SMIM14: variants seen among roughly 807,000 people sequenced by gnomAD.
The protein encoded by SMIM14 is small integral membrane protein 14, also known as chromosome 4 open reading frame 34.
Under a neutral mutation model 12.6 loss-of-function variants are expected in SMIM14, and 5 were observed. That is an observed-to-expected ratio of 0.40 (90% CI 0.21 to 0.83). The LOEUF is 0.83. Among genes scored for constraint, SMIM14 ranks in the 40% least tolerant of loss-of-function variants. The pLI is 0.37. For missense variants in SMIM14, 86 were observed against 119.1 expected, an observed-to-expected ratio of 0.72 and a Z score of 1.29; for synonymous variants, 30 against 40.1, an observed-to-expected ratio of 0.75 and a Z score of 0.95.
rs1182470587 is a variant in SMIM14 at position 39,547,146 on chromosome 4, T to A, written c.*4980A>T. 1 of 152,212 alleles carries A rather than the reference T, an allele frequency of 6.6e-6. No individual in the cohort carries two copies. Among genetic ancestry groups the A allele is most frequent in the Non-Finnish European group, 1.5e-5 (1 of 68,032 alleles). The allele number at this position is 152,212 out of a possible 1,614,324, so 9.4% of individuals were successfully genotyped here. On this transcript the variant is annotated 3_prime_UTR_variant, in exon 5 of 5. Coordinates refer to ENST00000295958, the MANE Select transcript of SMIM14 (RefSeq NM_174921.3). ...CCATACTGCATATTTTATGAATATT[T>A]TTCTCACAACTTTTCTTAAAACTTA...
chr4:39,553,164 G>C (rs1711810943), intron 4 of SMIM14, among the ~76,000 whole-genome samples: 1 of 151,602 alleles, frequency 6.6e-6, no homozygotes, highest in Non-Finnish European at 1.5e-5. Context: ...GGGTTCAAGT[G>C]ATTCGCCTGC....
chr4:39,618,652 AAAAAAAAAAAAAC>A (rs989673165), intron 1 of SMIM14, among the ~76,000 whole-genome samples: 11 of 150,520 alleles, frequency 7.3e-5, no homozygotes, highest in Non-Finnish European at 1.6e-4. Context: ...TCCATCTCAA[AAAAAAAAAAAAAC>A]AAAAAAAAAA....
Position 39,608,411 on chromosome 4 carries a change from G to A in SMIM14, c.-35-3231C>T, listed in dbSNP as rs80092357. On this transcript the variant is annotated intron_variant, in intron 1 of 4. Transcript: ENST00000295958. ...CAGAAACAACCCAAGTGTCCATCAA[G>A]TGAAAAATGGATAAACAAAATGTGG... is the stretch of plus-strand genomic sequence containing the variant. Among the ~76,000 whole-genome samples the A allele has an allele frequency of 5.0e-3, 762 of 152,332 alleles. 5 individuals are homozygous for A. The highest frequency in any genetic ancestry group is 0.017 in the African/African-American group (717 of 41,578).
At chr4:39,565,773 C>G (rs527447340) in intron 3 of SMIM14, among the ~76,000 whole-genome samples, 4 of 152,140 alleles carry the variant, frequency 2.6e-5, no homozygotes, top group African/African-American at 9.6e-5. Flanking sequence ...AATTGTAACT[C>G]CCACAATTCC....
intron 1 of SMIM14, among the ~76,000 whole-genome samples, chr4:39,633,981 G>C (rs1716001870): frequency 6.6e-6 from 1 of 152,220 alleles, no homozygotes; most frequent in South Asian, 2.1e-4. Context: ...CGCAAGGCTG[G>C]AGTGCAGTGG....
At chr4:39,613,586 T>C (rs946560737) in intron 1 of SMIM14, among the ~76,000 whole-genome samples, 7 of 152,322 alleles carry the variant, frequency 4.6e-5, no homozygotes, top group African/African-American at 1.7e-4. Context: ...TTTAAATCCC[T>C]TGGTCTCCAG....
intron 1 of SMIM14, among the ~76,000 whole-genome samples, chr4:39,619,876 ATTT>A (rs368919092): frequency 2.4e-4 from 28 of 115,844 alleles, no homozygotes; most frequent in South Asian, 1.8e-3. Flanking sequence ...ATATATATAT[ATTT>A]TTTTTTTTTT....
At chr4:39,569,901 G>A (rs1402463591) in intron 3 of SMIM14, among the ~76,000 whole-genome samples, 2 of 152,136 alleles carry the variant, frequency 1.3e-5, no homozygotes, top group African/African-American at 4.8e-5. Context: ...TCCAGAGACA[G>A]CACCAGAGGA....
At chr4:39,568,128 A>C (rs562042506) in intron 3 of SMIM14, among the ~76,000 whole-genome samples, 1 of 152,058 alleles carries the variant, frequency 6.6e-6, no homozygotes, top group South Asian at 2.1e-4. Context: ...AAATACAAAA[A>C]ATTAGCCAGG....
chr4:39,621,761 T>C (rs76981899), intron 1 of SMIM14, among the ~76,000 whole-genome samples: 1,910 of 143,714 alleles, frequency 0.013, 50 homozygotes, highest in African/African-American at 0.046. Context: ...AGAGCAATCA[T>C]GACTCACTGC....
At chr4:39,568,431 A>G (rs1303620882) in intron 3 of SMIM14, among the ~76,000 whole-genome samples, 4 of 152,234 alleles carry the variant, frequency 2.6e-5, no homozygotes, top group East Asian at 3.8e-4. Context: ...ACACTGTTCT[A>G]AAACAATGGA....
chr4:39,577,172 C>CAGG (rs960788176), intron 2 of SMIM14, among the ~76,000 whole-genome samples: 1 of 151,484 alleles, frequency 6.6e-6, no homozygotes, highest in Admixed American at 6.6e-5. Flanking sequence ...CTCCTTCCAC[C>CAGG]AGGAGGAGGA....
At chr4:39,631,623 C>T (rs983186599) in intron 1 of SMIM14, among the ~76,000 whole-genome samples, 4 of 150,962 alleles carry the variant, frequency 2.6e-5, no homozygotes, top group African/African-American at 7.3e-5. Flanking sequence ...TGCGCCACTG[C>T]ACTCTAGCCT....
At chr4:39,571,068 A>G (rs1712854109) in intron 3 of SMIM14, among the ~76,000 whole-genome samples, 2 of 152,268 alleles carry the variant, frequency 1.3e-5, no homozygotes, top group Admixed American at 1.3e-4. Flanking sequence ...AAGATGTGTC[A>G]CATAATGGTC....
At position 39,605,102 on chromosome 4, in the gene SMIM14, T is replaced by C; in HGVS notation, c.44A>G (p.His15Arg). The C allele has an allele frequency of 1.2e-6, 2 of 1,610,408 alleles. No homozygotes were observed. The highest frequency in any genetic ancestry group is 1.7e-6 in the Non-Finnish European group (2 of 1,178,900). The change falls in exon 2 of 5, where the codon CAT (histidine) becomes CGT (arginine). Residue 15 changes from histidine (H) to arginine (R), a missense_variant. By Grantham distance (29) the His-to-Arg change is conservative. Coordinates refer to ENST00000295958, the MANE Select transcript of SMIM14 (RefSeq NM_174921.3). ...GFDPCECVCSHEHAMRRLINL... is the reference protein window; with the variant it reads ...GFDPCECVCSREHAMRRLINL... ...GATCAGTCTTCTCATTGCATGTTCA[T>C]GAGAGCAAACACATTCACAGGGATC...
intron 4 of SMIM14, among the ~76,000 whole-genome samples, chr4:39,554,544 G>T (rs1478068051): frequency 6.6e-6 from 1 of 151,614 alleles, no homozygotes; most frequent in African/African-American, 2.4e-5. Context: ...GGAGGCAGAG[G>T]CTGCAGTGAG....
At chr4:39,612,917 T>C (rs1008949924) in intron 1 of SMIM14, among the ~76,000 whole-genome samples, 2 of 152,190 alleles carry the variant, frequency 1.3e-5, no homozygotes, top group African/African-American at 4.8e-5. Context: ...AAGATTTTTA[T>C]AAAAGAAATT....
At chr4:39,561,962 C>T (rs2109991672) in intron 3 of SMIM14, among the ~76,000 whole-genome samples, 1 of 151,548 alleles carries the variant, frequency 6.6e-6, no homozygotes, top group Admixed American at 6.6e-5. Flanking sequence ...TAGTAATGTC[C>T]ACTTCTTTTT....
intron 2 of SMIM14, among the ~76,000 whole-genome samples, chr4:39,579,843 C>CA (rs528601041): frequency 0.016 from 1,946 of 123,854 alleles, 71 homozygotes; most frequent in African/African-American, 0.053. Flanking sequence ...GACTCCGTCT[C>CA]AAAAAAAAAA....
Sources: allele counts gnomAD v4.1 joint callset (sites outside exome capture counted in the v4.1 genomes callset), GRCh38; gene constraint gnomAD v4.1.1; transcripts MANE v1.5; gene names NCBI Gene and HGNC (gene_info 2026-07-23, HGNC 2026-07-21).